KCNC4: variants seen among roughly 807,000 people sequenced by gnomAD.
KCNC4 encodes the protein potassium voltage-gated channel subfamily C member 4.
A neutral mutation model predicts 42.8 loss-of-function variants in KCNC4; 23 were observed. The observed-to-expected ratio is 0.54, with a 90% CI of 0.39 to 0.76. The LOEUF is 0.76. Ranked by LOEUF, KCNC4 falls within the 30% of genes least tolerant of loss-of-function variation. KCNC4 has a pLI of 0.00. For missense variants in KCNC4, 751 were observed against 898.2 expected (o/e 0.84, Z 2.10); for synonymous variants, 422 against 393.5 (o/e 1.07, Z -0.86).
At chr1:110,269,359 C>A (rs1659601609) in intron 1 of KCNC4, among the ~76,000 whole-genome samples, 1 of 152,196 alleles carries the variant, frequency 6.6e-6, no homozygotes, top group Non-Finnish European at 1.5e-5. Flanking sequence ...CTCACAACCA[C>A]CAATCTAATC....
At chr1:110,267,113 G>T (rs899872382) in intron 1 of KCNC4, among the ~76,000 whole-genome samples, 2 of 152,228 alleles carry the variant, frequency 1.3e-5, no homozygotes, top group African/African-American at 4.8e-5. Context: ...GGCTGTGGGA[G>T]GCTCAGCAGT....
At chr1:110,276,874 G>T (rs1334688745) in intron 1 of KCNC4, among the ~76,000 whole-genome samples, 1 of 152,168 alleles carries the variant, frequency 6.6e-6, no homozygotes, top group Non-Finnish European at 1.5e-5. Flanking sequence ...CCTCCAAGGG[G>T]AAGACTGCAA....
chr1:110,262,322 G>C lies in KCNC4; in HGVS notation n.31-20212G>C, dbSNP rs7518334. 3.0e-3 allele frequency among the ~76,000 whole-genome samples: 464 copies of C among 152,300 alleles called. 2 individuals carry two copies. Among genetic ancestry groups the C allele is most frequent in the African/African-American group, 9.5e-3 (396 of 41,560 alleles). ...ACACCTGACCTCAAGCCATCCTTGA[G>C]CGCTGGGATTACAGGCATGAGCCGC... On this transcript the variant is annotated intron_variant and non_coding_transcript_variant, in intron 1 of 2. Coordinates refer to the KCNC4 transcript ENST00000412512.
At chr1:110,235,617 G>T (rs1407723297), downstream of KCNC4, 1 of 152,224 alleles carries the variant, frequency 6.6e-6, no homozygotes, top group Non-Finnish European at 1.5e-5. Context: ...AAGAGGAGGG[G>T]GCAGTGTGCA....
At chr1:110,227,352 C>T (rs1476907094) in intron 3 of KCNC4, among the ~76,000 whole-genome samples, 1 of 152,212 alleles carries the variant, frequency 6.6e-6, no homozygotes, top group Non-Finnish European at 1.5e-5. Flanking sequence ...CAGTACCACT[C>T]TCCCCATGGA....
At chr1:110,232,415 G>C (rs1658741477) in intron 3 of KCNC4, 4 of 1,511,608 alleles carry the variant, frequency 2.6e-6, no homozygotes, top group Non-Finnish European at 3.5e-6. Context: ...GAGCTACTTG[G>C]GGGAGAGCTC....
chr1:110,221,122 A>C (rs888779681), intron 1 of KCNC4: 2 of 152,266 alleles, frequency 1.3e-5, no homozygotes, highest in Admixed American at 6.5e-5. Flanking sequence ...AATAGCAGTC[A>C]TCAGGGAGCT....
Position 110,211,420 on chromosome 1 carries a change from C to A in KCNC4, c.-80C>A, listed in dbSNP as rs557834733. ...TGCCTCCTCTTCGTCTCCTCCCCCT[C>A]CCCCGTCTGACGCTGCCTCCTCGGG... On this transcript the variant is annotated 5_prime_UTR_variant, in exon 1 of 4. Coordinates refer to ENST00000438661, the MANE Select transcript of KCNC4 (RefSeq NM_001039574.3). The surrounding 1 kb of genome is among the most constrained non-coding windows in gnomAD (Gnocchi z 6.5). The A allele has an allele frequency of 5.0e-4, 742 of 1,498,114 alleles. No homozygotes were observed. Among genetic ancestry groups the A allele is most frequent in the Non-Finnish European group, 6.2e-4 (693 of 1,119,020 alleles). The allele number at this position is 1,498,114 out of a possible 1,614,324, so 92.8% of individuals were successfully genotyped here. A position where few individuals can be genotyped will look rare whatever the true frequency, so the allele number is the denominator to read the frequency against.
chr1:110,233,036 G>A lies in KCNC4; in HGVS notation c.*64G>A, dbSNP rs2101043643. On this transcript the variant is annotated 3_prime_UTR_variant, in exon 4 of 4. Transcript: ENST00000438661. ...AAGCCAGAGGCTTAGGGAAACTCTG[G>A]AACCCAGACAAGAATCTTTTCGCTG... 1.9e-6 allele frequency: 3 copies of A among 1,554,450 alleles called. No individual in the cohort carries two copies. Among genetic ancestry groups the A allele is most frequent in the East Asian group, 4.7e-5 (2 of 42,540 alleles).
exon 4 of KCNC4, chr1:110,247,246 T>A (rs1007933111): frequency 1.3e-5 from 2 of 151,212 alleles, no homozygotes; most frequent in Admixed American, 6.6e-5. Context: ...TTTTTTTTTT[T>A]AGGCAAGATC....
chr1:110,256,451 G>A (rs771394390), intron 1 of KCNC4, among the ~76,000 whole-genome samples: 2 of 152,236 alleles, frequency 1.3e-5, no homozygotes, highest in African/African-American at 2.4e-5. Context: ...AGAACTTGTA[G>A]TGGAGCAAGG....
intron 1 of KCNC4, among the ~76,000 whole-genome samples, chr1:110,281,660 G>A (rs1659830888): frequency 6.6e-6 from 1 of 152,080 alleles, no homozygotes; most frequent in Non-Finnish European, 1.5e-5. Context: ...TGGTGAGCCA[G>A]TTGCTTCCCT....
chr1:110,245,190 G>C (rs565170497), exon 4 of KCNC4: 39 of 152,380 alleles, frequency 2.6e-4, no homozygotes, highest in African/African-American at 8.9e-4. Context: ...TGATCAGAAG[G>C]TCTCAACCTA....
At chr1:110,230,535 T>A (rs929673201) in intron 3 of KCNC4, among the ~76,000 whole-genome samples, 5 of 152,182 alleles carry the variant, frequency 3.3e-5, no homozygotes, top group Non-Finnish European at 5.9e-5. Context: ...CCTCAAGTTG[T>A]CAGGAGCCCA....
downstream of KCNC4, chr1:110,237,339 C>G (rs887473735): frequency 1.3e-5 from 2 of 152,100 alleles, no homozygotes; most frequent in African/African-American, 2.4e-5. Context: ...TATTGGAAAC[C>G]ATCCCCATAC....
At chr1:110,280,330 C>G (rs1335915614) in intron 1 of KCNC4, among the ~76,000 whole-genome samples, 1 of 152,076 alleles carries the variant, frequency 6.6e-6, no homozygotes, top group Non-Finnish European at 1.5e-5. Flanking sequence ...CGTGCTTGTG[C>G]TTGGTGGCCA....
At chr1:110,273,745 T>C (rs1659673282) in intron 1 of KCNC4, among the ~76,000 whole-genome samples, 1 of 152,150 alleles carries the variant, frequency 6.6e-6, no homozygotes, top group South Asian at 2.1e-4. Flanking sequence ...GGGTGAGTGG[T>C]GTCTGTAGGG....
Position 110,223,116 on chromosome 1 carries a change from A to T in KCNC4, c.831A>T (p.Thr277=). ...TSVHFRREVE[T]EPILTYIEGV... ...TGCACTTCCGGCGGGAGGTAGAGAC[A>T]GAGCCCATCCTGACCTACATCGAGG... Residue 277 remains threonine, a synonymous_variant, in exon 2 of 4, where the codon ACA becomes ACT. Coordinates refer to ENST00000438661, the MANE Select transcript of KCNC4 (RefSeq NM_001039574.3). This position sits in a 1 kb window ranked among gnomAD's most constrained non-coding sequence, Gnocchi z 7.5. 1 of 1,614,234 alleles carries T rather than the reference A, an allele frequency of 6.2e-7. No homozygotes were observed. The highest frequency in any genetic ancestry group is 2.2e-5 in the East Asian group (1 of 44,884).
intron 1 of KCNC4, 168 bp from the exon 2 acceptor site, chr1:110,222,796 G>C (rs367930085): frequency 1.2e-5 from 7 of 599,276 alleles, no homozygotes; most frequent in South Asian, 1.0e-4. Flanking sequence ...CAAGCATATG[G>C]ATAAAGACCC....
Sources: allele counts gnomAD v4.1 joint callset (sites outside exome capture counted in the v4.1 genomes callset), GRCh38; gene constraint gnomAD v4.1.1; non-coding constraint Gnocchi (gnomAD v3.1); transcripts MANE v1.5; gene names NCBI Gene and HGNC (gene_info 2026-07-23, HGNC 2026-07-21).